SRGAP2C: variants seen among roughly 807,000 people sequenced by gnomAD.
SRGAP2C encodes SLIT-ROBO Rho GTPase activating protein 2C.
A neutral mutation model predicts 25.1 loss-of-function variants in SRGAP2C; 15 were observed. The observed-to-expected ratio is 0.60, with a 90% confidence interval of 0.40 to 0.92. SRGAP2C has a LOEUF of 0.92. SRGAP2C is among the 40% of genes least tolerant of loss of function. The pLI, the probability that SRGAP2C is intolerant of heterozygous loss-of-function variation, is 0.00. For missense variants in SRGAP2C, 144 were observed against 264.4 expected, an observed-to-expected ratio of 0.54 and a Z score of 3.16; for synonymous variants, 44 against 96.6, an observed-to-expected ratio of 0.46 and a Z score of 3.19.
chr1:121,314,640 T>C (rs1658052539), intron 3 of SRGAP2C, among the ~76,000 whole-genome samples: 1 of 150,214 alleles, frequency 6.7e-6, no homozygotes, highest in Admixed American at 6.6e-5. Context: ...GTTTTCCTTC[T>C]AACAGACAGG....
chr1:121,255,329 T>C (rs1326750544), intron 2 of SRGAP2C, among the ~76,000 whole-genome samples: 1 of 151,802 alleles, frequency 6.6e-6, no homozygotes, highest in Non-Finnish European at 1.5e-5. Context: ...AAGTTGTTTT[T>C]ATGATTTCAG....
At chr1:121,195,527 C>T (rs1654811054) in intron 2 of SRGAP2C, among the ~76,000 whole-genome samples, 1 of 136,260 alleles carries the variant, frequency 7.3e-6, no homozygotes, top group South Asian at 2.4e-4. Flanking sequence ...GCTAGGGGCT[C>T]CCACTGGAGA....
At chr1:121,379,192 T>C (rs1659748043) in intron 7 of SRGAP2C, among the ~76,000 whole-genome samples, 2 of 152,224 alleles carry the variant, frequency 1.3e-5, no homozygotes, top group South Asian at 4.1e-4. Flanking sequence ...AGGACAGTTA[T>C]TTTTCTCTTT....
chr1:121,307,140 T>C (rs1657860148), intron 3 of SRGAP2C, among the ~76,000 whole-genome samples: 1 of 143,648 alleles, frequency 7.0e-6, no homozygotes, highest in Non-Finnish European at 1.5e-5. Flanking sequence ...GTTTTTTGTA[T>C]TTTTGGTAGA....
intron 4 of SRGAP2C, chr1:121,360,060 A>C (rs1168380143): frequency 6.6e-6 from 1 of 152,262 alleles, no homozygotes; most frequent in Non-Finnish European, 1.5e-5. Flanking sequence ...TAAATGCACC[A>C]ATCAGCACTC....
intron 2 of SRGAP2C, among the ~76,000 whole-genome samples, chr1:121,259,471 C>T (rs1204725638): frequency 1.3e-5 from 1 of 79,402 alleles, no homozygotes; most frequent in Non-Finnish European, 2.6e-5. Flanking sequence ...CAGAGTGAGA[C>T]TGTCTCAAAA....
chr1:121,379,024 C>T (rs587668197), intron 7 of SRGAP2C, among the ~76,000 whole-genome samples: 1 of 152,278 alleles, frequency 6.6e-6, no homozygotes, highest in African/African-American at 2.4e-5. Flanking sequence ...CTGGCTCTCT[C>T]AACCCAGGAG....
At chr1:121,222,454 C>T (rs1553325819) in intron 2 of SRGAP2C, among the ~76,000 whole-genome samples, 2 of 152,018 alleles carry the variant, frequency 1.3e-5, no homozygotes, top group African/African-American at 4.8e-5. Flanking sequence ...CATAAGGAGA[C>T]CCCATCTCTA....
At chr1:121,309,335 A>G (rs1424600179) in intron 3 of SRGAP2C, among the ~76,000 whole-genome samples, 2 of 141,428 alleles carry the variant, frequency 1.4e-5, no homozygotes, top group Admixed American at 7.4e-5. Context: ...TTTTTGTTTA[A>G]GACATCAGGA....
intron 2 of SRGAP2C, among the ~76,000 whole-genome samples, chr1:121,259,560 G>A (rs1348361684): frequency 6.7e-6 from 1 of 149,264 alleles, no homozygotes; most frequent in Non-Finnish European, 1.5e-5. Flanking sequence ...ATACTTATAT[G>A]TTTTACAATT....
At chr1:121,271,290 A>G (rs1385867861) in intron 2 of SRGAP2C, among the ~76,000 whole-genome samples, 5 of 147,418 alleles carry the variant, frequency 3.4e-5, no homozygotes, top group Admixed American at 2.7e-4. Context: ...GGAAGACGAA[A>G]CTAAGAGAAC....
At chr1:121,335,343 A>AAAAT (rs1243682707) in intron 4 of SRGAP2C, among the ~76,000 whole-genome samples, 7,185 of 109,564 alleles carry the variant, frequency 0.066, 438 homozygotes, top group East Asian at 0.11. Context: ...TCCATCTCAA[A>AAAAT]AAATAAATAA....
At chr1:121,313,868 T>A (rs2101599228) in intron 3 of SRGAP2C, among the ~76,000 whole-genome samples, 2 of 132,822 alleles carry the variant, frequency 1.5e-5, no homozygotes, top group East Asian at 4.8e-4. Flanking sequence ...ATTTTTTCCT[T>A]CATTTCAACT....
chr1:121,289,208 G>A (rs1355257452), intron 3 of SRGAP2C, among the ~76,000 whole-genome samples: 1 of 150,116 alleles, frequency 6.7e-6, no homozygotes, highest in Non-Finnish European at 1.5e-5. Flanking sequence ...GAGTGGGTGG[G>A]AGGCTCAGAC....
chr1:121,335,301 A>G (rs1470191929), intron 4 of SRGAP2C, among the ~76,000 whole-genome samples: 16 of 145,456 alleles, frequency 1.1e-4, no homozygotes, highest in Non-Finnish European at 2.2e-4. Flanking sequence ...AGATTGTGCC[A>G]CTGCACTCCA....
intron 3 of SRGAP2C, among the ~76,000 whole-genome samples, chr1:121,308,563 C>T (rs1208237681): frequency 6.6e-5 from 10 of 150,662 alleles, no homozygotes; most frequent in African/African-American, 2.4e-4. Flanking sequence ...ATTGCTTGAG[C>T]CCAGGAGTTT....
chr1:121,361,576 A>G lies in SRGAP2C; in HGVS notation c.424-3717A>G, dbSNP rs1553348559. 2.2e-5 allele frequency: 3 copies of G among 137,398 alleles called. No individual in the cohort carries two copies. In the Admixed American group the frequency reaches 2.2e-4, roughly 10 times the overall value. The allele number at this position is 137,398 out of a possible 1,614,324, so 8.5% of individuals were successfully genotyped here. A position where few individuals can be genotyped will look rare whatever the true frequency, so the allele number is the denominator to read the frequency against. ...CATTTTGTCAGCATACAACTGGTAG[A>G]AGCTGTTGCAATCTCATTGTCTTCT... On this transcript the variant is annotated intron_variant, in intron 4 of 9. Coordinates refer to ENST00000367123, the MANE Select transcript of SRGAP2C (RefSeq NM_001329984.2).
chr1:121,280,417 A>ATT (rs1657215089), intron 2 of SRGAP2C, among the ~76,000 whole-genome samples: 3 of 151,584 alleles, frequency 2.0e-5, no homozygotes, highest in Non-Finnish European at 4.4e-5. Context: ...AAGAATATTT[A>ATT]AAGCAGAAAC....
intron 2 of SRGAP2C, among the ~76,000 whole-genome samples, chr1:121,258,466 T>TC (rs1491201344): frequency 8.2e-6 from 1 of 121,230 alleles, no homozygotes; most frequent in Non-Finnish European, 1.6e-5. Flanking sequence ...TCTATCACTC[T>TC]TTTTTTTTTT....
Sources: gnomAD v4.1 joint callset for allele counts (sites outside exome capture counted in the v4.1 genomes callset) on GRCh38, gnomAD v4.1.1 for gene constraint, MANE v1.5 for transcripts, NCBI Gene and HGNC (gene_info 2026-07-23, HGNC 2026-07-21) for gene names.